APLF: variants seen among roughly 807,000 people sequenced by gnomAD.
APLF encodes aprataxin and PNKP like factor.
Under a neutral mutation model 55.6 loss-of-function variants are expected in APLF, and 61 were observed. That is an observed-to-expected ratio of 1.10 (90% CI 0.89 to 1.36). The LOEUF (loss-of-function observed/expected upper bound fraction) is 1.36, where lower values mean the gene tolerates loss of function less well. APLF is among the 40% of genes most tolerant of loss of function. The probability of loss-of-function intolerance (pLI) is 0.00; values close to 1 mark genes in which losing one functional copy is unlikely to be tolerated. For synonymous variants in APLF, 207 were observed against 214.8 expected (o/e 0.96, Z 0.32); for missense variants, 611 against 602.5 (o/e 1.01, Z -0.15).
At chr2:68,545,814 A>T (rs530307861) in intron 8 of APLF, among the ~76,000 whole-genome samples, 2 of 152,154 alleles carry the variant, frequency 1.3e-5, no homozygotes, top group Non-Finnish European at 2.9e-5. Flanking sequence ...TCATGAGATT[A>T]TGTTTGTTTC....
chr2:68,485,516 C>G (rs1676136109), intron 1 of APLF, among the ~76,000 whole-genome samples: 1 of 152,140 alleles, frequency 6.6e-6, no homozygotes, highest in African/African-American at 2.4e-5. Context: ...AGTTAATCTA[C>G]CATTTCCTTT....
intron 8 of APLF, among the ~76,000 whole-genome samples, chr2:68,547,492 G>A (rs1020445026): frequency 6.6e-6 from 1 of 151,650 alleles, no homozygotes; most frequent in South Asian, 2.1e-4. Context: ...AGTGTGGTAT[G>A]GGCACAAAGA....
intron 9 of APLF, among the ~76,000 whole-genome samples, chr2:68,577,482 A>G (rs1671656011): frequency 6.6e-6 from 1 of 152,196 alleles, no homozygotes; most frequent in Non-Finnish European, 1.5e-5. Flanking sequence ...AGAAGTGAGG[A>G]AGTATAATCA....
intron 1 of APLF, among the ~76,000 whole-genome samples, chr2:68,474,814 A>G (rs1334738814): frequency 6.6e-6 from 1 of 152,138 alleles, no homozygotes; most frequent in Non-Finnish European, 1.5e-5. Flanking sequence ...AATTATAGGC[A>G]TGTGCCACCA....
intron 8 of APLF, among the ~76,000 whole-genome samples, chr2:68,562,868 C>G (rs1671205590): frequency 6.6e-6 from 1 of 151,950 alleles, no homozygotes; most frequent in African/African-American, 2.4e-5. Flanking sequence ...GTAAACCAAA[C>G]ATATCTAAAA....
intron 3 of APLF, among the ~76,000 whole-genome samples, chr2:68,508,876 T>G (rs1676957112): frequency 1.3e-5 from 2 of 152,048 alleles, no homozygotes; most frequent in African/African-American, 4.8e-5. Context: ...AACAGAGGTA[T>G]AGACCAATGG....
intron 2 of APLF, among the ~76,000 whole-genome samples, chr2:68,497,719 G>A (rs899156656): frequency 4.6e-5 from 7 of 151,884 alleles, no homozygotes; most frequent in Admixed American, 6.6e-5. Flanking sequence ...AAGCCATGAA[G>A]CATCTGCCCC....
intron 3 of APLF, among the ~76,000 whole-genome samples, chr2:68,508,639 A>G (rs1353109082): frequency 6.6e-6 from 1 of 151,942 alleles, no homozygotes; most frequent in Admixed American, 6.6e-5. Context: ...GCTTCTAAGG[A>G]CACAGTTAAG....
chr2:68,547,348 T>TA (rs1421801512), intron 8 of APLF, among the ~76,000 whole-genome samples: 2 of 151,786 alleles, frequency 1.3e-5, no homozygotes, highest in Non-Finnish European at 3.0e-5. Context: ...TTCAAAATCA[T>TA]ATTAGCTTTT....
chr2:68,485,324 A>G (rs1293674851), intron 1 of APLF, among the ~76,000 whole-genome samples: 1 of 152,122 alleles, frequency 6.6e-6, no homozygotes, highest in Non-Finnish European at 1.5e-5. Flanking sequence ...AGTGTCCCAC[A>G]ATTTTTGTTT....
chr2:68,529,261 T>C lies in APLF; in HGVS notation c.804+3019T>C. 2 of 1,313,534 alleles carry C rather than the reference T, an allele frequency of 1.5e-6. No homozygotes were observed. The highest frequency in any genetic ancestry group is 2.0e-6 in the Non-Finnish European group (2 of 996,414). The allele number at this position is 1,313,534 out of a possible 1,614,324, so 81.4% of individuals were successfully genotyped here. ...TCATAAGGGTGCCGTCCCACCTGCC[T>C]GGAAAAGAAGGCCCAAGATGTCGCT... On this transcript the variant is annotated intron_variant, in intron 6 of 9. Transcript: ENST00000303795. This position sits in a 1 kb window ranked among gnomAD's most constrained non-coding sequence, Gnocchi z 4.4.
At chr2:68,469,794 CAG>C (rs1675562654) in intron 1 of APLF, among the ~76,000 whole-genome samples, 1 of 152,132 alleles carries the variant, frequency 6.6e-6, no homozygotes, top group African/African-American at 2.4e-5. Context: ...GTGGAAAACT[CAG>C]TAAGTTCATT....
chr2:68,517,785 TATA>T (rs1414882654), intron 5 of APLF, among the ~76,000 whole-genome samples: 11 of 144,938 alleles, frequency 7.6e-5, no homozygotes, highest in African/African-American at 2.5e-4. Flanking sequence ...ATATCACTAA[TATA>T]ATGTTAATAT....
chr2:68,542,059 T>G (rs1363882432), intron 7 of APLF, among the ~76,000 whole-genome samples: 2 of 152,124 alleles, frequency 1.3e-5, no homozygotes, highest in African/African-American at 4.8e-5. Flanking sequence ...TTTTTTTCAA[T>G]AAAGAGTGCT....
At chr2:68,509,529 C>T (rs1676978612) in intron 3 of APLF, among the ~76,000 whole-genome samples, 1 of 152,104 alleles carries the variant, frequency 6.6e-6, no homozygotes, top group African/African-American at 2.4e-5. Flanking sequence ...TACCATCTCA[C>T]ACCAGTTAGA....
intron 2 of APLF, among the ~76,000 whole-genome samples, chr2:68,497,002 C>T (rs1200532553): frequency 6.6e-6 from 1 of 152,168 alleles, no homozygotes; most frequent in African/African-American, 2.4e-5. Context: ...TTTTACATAT[C>T]TTCATAGCAA....
Position 68,518,445 on chromosome 2 carries a change from AATATATT to A in APLF, c.622+4778_622+4784del, listed in dbSNP as rs1321480964. On this transcript the variant is annotated intron_variant, in intron 5 of 9. Transcript: ENST00000303795. ...AATAATTTATTATATAATATATAAT[AATATATT>A]ATATATTATATAACATATTAATAAT... Among the ~76,000 whole-genome samples, 17 of 113,766 alleles carry A rather than the reference AATATATT, an allele frequency of 1.5e-4. No homozygotes were observed. In the East Asian group the frequency reaches 3.0e-3, roughly 20 times the overall value. The allele number at this position is 113,766 out of a possible 152,430, so 74.6% of individuals were successfully genotyped here.
chr2:68,566,386 C>A (rs527660740), intron 8 of APLF, among the ~76,000 whole-genome samples: 57 of 152,092 alleles, frequency 3.7e-4, no homozygotes, highest in African/African-American at 1.3e-3. Flanking sequence ...CTTGCTCCTG[C>A]CCCCAGACTC....
chr2:68,472,524 TAATC>T (rs1204970442), intron 1 of APLF, among the ~76,000 whole-genome samples: 1 of 151,882 alleles, frequency 6.6e-6, no homozygotes, highest in African/African-American at 2.4e-5. Context: ...AAAAAAATAA[TAATC>T]AGAGCTTAGT....
Sources: allele counts gnomAD v4.1 joint callset (sites outside exome capture counted in the v4.1 genomes callset), GRCh38; gene constraint gnomAD v4.1.1; non-coding constraint Gnocchi (gnomAD v3.1); transcripts MANE v1.5; gene names NCBI Gene and HGNC (gene_info 2026-07-23, HGNC 2026-07-21).